NRG1: variants seen among roughly 807,000 people sequenced by gnomAD.
The protein encoded by NRG1 is pro-neuregulin-1, membrane-bound isoform.
Under a neutral mutation model 63.8 loss-of-function variants are expected in NRG1, and 18 were observed. The observed-to-expected ratio is 0.28, with a 90% confidence interval of 0.19 to 0.42. NRG1 has a LOEUF of 0.42. NRG1 is among the 10% of genes least tolerant of loss of function. NRG1 has a pLI of 1.00. For missense variants in NRG1, 762 were observed against 814.7 expected (o/e 0.94, Z 0.79); for synonymous variants, 302 against 301.3 (o/e 1.00, Z -0.02).
chr8:31,984,327 TA>T (rs1158108103), intron 1 of NRG1, among the ~76,000 whole-genome samples: 2 of 152,108 alleles, frequency 1.3e-5, no homozygotes, highest in African/African-American at 4.8e-5. Flanking sequence ...CCCCCTTTCA[TA>T]AAATCTCATA....
chr8:31,702,939 G>A (rs1002545691), intron 1 of NRG1, among the ~76,000 whole-genome samples: 1 of 151,536 alleles, frequency 6.6e-6, no homozygotes, highest in African/African-American at 2.4e-5. Flanking sequence ...CTGAGACTGT[G>A]TTTATGCTTT....
At chr8:32,360,287 C>T (rs2129481150) in intron 1 of NRG1, among the ~76,000 whole-genome samples, 1 of 152,216 alleles carries the variant, frequency 6.6e-6, no homozygotes, top group African/African-American at 2.4e-5. Flanking sequence ...TACCTGTAAA[C>T]ATTTTTAGGA....
At chr8:32,148,579 C>G (rs1837166195) in intron 1 of NRG1, among the ~76,000 whole-genome samples, 1 of 152,082 alleles carries the variant, frequency 6.6e-6, no homozygotes, top group Non-Finnish European at 1.5e-5. Context: ...TTTATACTAC[C>G]TCAGTTAATT....
intron 7 of NRG1, among the ~76,000 whole-genome samples, chr8:32,753,168 GGC>G (rs1299067878): frequency 6.6e-6 from 1 of 152,108 alleles, no homozygotes; most frequent in African/African-American, 2.4e-5. Context: ...TGATCATAAT[GGC>G]AAGTGAACAG....
intron 5 of NRG1, among the ~76,000 whole-genome samples, chr8:32,723,960 C>G (rs1442411078): frequency 1.3e-5 from 2 of 152,188 alleles, no homozygotes; most frequent in Non-Finnish European, 2.9e-5. Context: ...ATCATTTGTC[C>G]TGACCTTTTT....
intron 1 of NRG1, among the ~76,000 whole-genome samples, chr8:32,095,484 A>G (rs1282816357): frequency 6.6e-6 from 1 of 152,244 alleles, no homozygotes; most frequent in African/African-American, 2.4e-5. Flanking sequence ...GATTTTGGCA[A>G]GAAGCACTGG....
At chr8:32,666,515 C>T (rs1416783433) in intron 5 of NRG1, among the ~76,000 whole-genome samples, 1 of 152,136 alleles carries the variant, frequency 6.6e-6, no homozygotes, top group Non-Finnish European at 1.5e-5. Context: ...GCGTGGTTCC[C>T]TGGCCCTATT....
chr8:31,644,346 T>C (rs1418056941), intron 1 of NRG1, among the ~76,000 whole-genome samples: 1 of 152,212 alleles, frequency 6.6e-6, no homozygotes, highest in African/African-American at 2.4e-5. Context: ...TTTATTTATA[T>C]GTATGTTAAA....
intron 1 of NRG1, among the ~76,000 whole-genome samples, chr8:31,934,315 GTA>G (rs984412464): frequency 3.4e-4 from 51 of 149,988 alleles, no homozygotes; most frequent in Non-Finnish European, 3.8e-4. Context: ...GTACATGTGT[GTA>G]TATATATGTG....
intron 7 of NRG1, among the ~76,000 whole-genome samples, chr8:32,743,515 TTG>T: frequency 6.8e-6 from 1 of 146,076 alleles, no homozygotes; most frequent in Admixed American, 7.1e-5. Context: ...AAATATGTGT[TTG>T]TATATATATA....
chr8:31,778,161 A>G (rs980372883), intron 1 of NRG1, among the ~76,000 whole-genome samples: 1 of 152,122 alleles, frequency 6.6e-6, no homozygotes, highest in Non-Finnish European at 1.5e-5. Flanking sequence ...GACTTCCTTG[A>G]TTTATTCATG....
intron 1 of NRG1, among the ~76,000 whole-genome samples, chr8:31,984,351 C>T (rs1809677161): frequency 6.6e-6 from 1 of 152,030 alleles, no homozygotes; most frequent in African/African-American, 2.4e-5. Flanking sequence ...TTGCCCACTT[C>T]TCCATCTTAA....
chr8:32,495,163 C>T (rs961714944), intron 1 of NRG1, among the ~76,000 whole-genome samples: 1 of 152,226 alleles, frequency 6.6e-6, no homozygotes, highest in Non-Finnish European at 1.5e-5. Context: ...CCCAAAATCT[C>T]ATCTTGAACT....
intron 1 of NRG1, among the ~76,000 whole-genome samples, chr8:32,174,394 A>G (rs1840443635): frequency 1.3e-5 from 2 of 152,200 alleles, no homozygotes; most frequent in Admixed American, 6.5e-5. Flanking sequence ...AAGATCTAAA[A>G]TGGACACCCT....
At chr8:31,656,638 A>G (rs62506874) in intron 1 of NRG1, among the ~76,000 whole-genome samples, 32,760 of 152,142 alleles carry the variant, frequency 0.22, 4,295 homozygotes, top group East Asian at 0.6. Context: ...TAAAGATATG[A>G]TTTTCAAAAA....
At chr8:32,074,543 C>T (rs59459380) in intron 1 of NRG1, among the ~76,000 whole-genome samples, 101 of 152,302 alleles carry the variant, frequency 6.6e-4, no homozygotes, top group African/African-American at 2.0e-3. Flanking sequence ...AAAGCCTCTA[C>T]GTCTTTATCT....
intron 1 of NRG1, among the ~76,000 whole-genome samples, chr8:32,021,615 T>C (rs553912357): frequency 2.0e-5 from 3 of 152,252 alleles, no homozygotes; most frequent in African/African-American, 7.2e-5. Flanking sequence ...TTGCAAAAAG[T>C]TGAAAAAGCT....
At chr8:31,712,757 A>G (rs924465830) in intron 1 of NRG1, among the ~76,000 whole-genome samples, 3 of 152,108 alleles carry the variant, frequency 2.0e-5, no homozygotes, top group African/African-American at 4.8e-5. Flanking sequence ...CTAATGCTCA[A>G]TACTGAATGA....
chr8:32,758,105 C>A (rs1005299416), intron 9 of NRG1, among the ~76,000 whole-genome samples: 3 of 152,082 alleles, frequency 2.0e-5, no homozygotes, highest in Admixed American at 6.5e-5. Context: ...ATTTAGAGCC[C>A]GCAGACCGTC....
Sources: allele counts gnomAD v4.1 joint callset (sites outside exome capture counted in the v4.1 genomes callset), GRCh38; gene constraint gnomAD v4.1.1; transcripts MANE v1.5; gene names NCBI Gene and HGNC (gene_info 2026-07-23, HGNC 2026-07-21).